Variants in ITPR3 observed in about 807,000 individuals in gnomAD.
The protein encoded by ITPR3 is inositol 1,4,5-trisphosphate-gated calcium channel ITPR3.
ITPR3 carries 173 observed loss-of-function variants against 293.2 expected under a neutral mutation model. That is an observed-to-expected ratio of 0.59 (90% CI 0.52 to 0.67). ITPR3 has a LOEUF of 0.67. ITPR3 is among the 30% of genes least tolerant of loss of function. The probability of loss-of-function intolerance (pLI) is 0.00; values close to 1 mark genes in which losing one functional copy is unlikely to be tolerated. For synonymous variants in ITPR3, 1,295 were observed against 1,444.4 expected (o/e 0.90, Z 2.35); for missense variants, 2,796 against 3,592.1 (o/e 0.78, Z 5.66).
At position 33,687,605 on chromosome 6, in the gene ITPR3, G is replaced by T; in HGVS notation, c.6264+41G>T. 1 of 1,468,382 alleles carries T rather than the reference G, an allele frequency of 6.8e-7. No homozygotes were observed. Among genetic ancestry groups the T allele is most frequent in the South Asian group, 1.2e-5 (1 of 85,610 alleles). The allele number at this position is 1,468,382 out of a possible 1,614,324, so 91.0% of individuals were successfully genotyped here. On this transcript the variant is annotated intron_variant, in intron 46 of 57. Coordinates refer to ENST00000605930, the MANE Select transcript of ITPR3 (RefSeq NM_002224.4). This position sits in a 1 kb window ranked among gnomAD's most constrained non-coding sequence, Gnocchi z 5.3. Reference sequence around the variant, plus strand: ...GAGACTGGGGTGGGGGTGGGGCCTGGAACCCAGGGAGGACACTTGACCCAA... The same window carrying T: ...GAGACTGGGGTGGGGGTGGGGCCTGTAACCCAGGGAGGACACTTGACCCAA...
At chr6:33,643,947 C>T (rs1032568011) in intron 2 of ITPR3, among the ~76,000 whole-genome samples, 14 of 152,224 alleles carry the variant, frequency 9.2e-5, no homozygotes, top group Admixed American at 3.9e-4. Context: ...AACTGCAGCA[C>T]TTGGGAGGCC....
Position 33,672,284 on chromosome 6 carries a change from C to T in ITPR3, c.2928+56C>T, listed in dbSNP as rs112160238. On this transcript the variant is annotated intron_variant, in intron 22 of 57. Coordinates refer to ENST00000605930, the MANE Select transcript of ITPR3 (RefSeq NM_002224.4). This position sits in a 1 kb window ranked among gnomAD's most constrained non-coding sequence, Gnocchi z 5.0. ...TGGGTATAGGGGGAGGGTAATGGGGCGGGTACAGGGAGGCTGGGCAGGGCG... is the reference window on the plus strand; with the variant it reads ...TGGGTATAGGGGGAGGGTAATGGGGTGGGTACAGGGAGGCTGGGCAGGGCG... 13 of 593,800 alleles carry T rather than the reference C, an allele frequency of 2.2e-5. No homozygotes were observed. The East Asian group carries it at 2.4e-4, about 11-fold the overall frequency. 36.8% of individuals were successfully genotyped at this position (593,800 alleles called of 1,614,324 possible).
intron 49 of ITPR3, 120 bp from the exon 50 acceptor site, chr6:33,689,118 G>T: frequency 8.4e-7 from 1 of 1,186,128 alleles, no homozygotes; most frequent in Non-Finnish European, 1.2e-6. Flanking sequence ...CTAAAACCAG[G>T]CACCAGGAAC....
Position 33,687,468 on chromosome 6 carries a change from T to C in ITPR3, c.6178-10T>C. 2 of 1,608,194 alleles carry C rather than the reference T, an allele frequency of 1.2e-6. No homozygotes were observed. Among genetic ancestry groups the C allele is most frequent in the Non-Finnish European group, 8.5e-7 (1 of 1,177,996 alleles). On this transcript the variant is annotated splice_polypyrimidine_tract_variant and intron_variant, in intron 45 of 57. Coordinates refer to ENST00000605930, the MANE Select transcript of ITPR3 (RefSeq NM_002224.4). This position sits in a 1 kb window ranked among gnomAD's most constrained non-coding sequence, Gnocchi z 5.3. ...CCACACCCTGGTGACTGTGCTGCCA[T>C]TTCCCTCAGCTCTCCAGGCACAATA...
intron 39 of ITPR3, 91 bp from the exon 40 acceptor site, chr6:33,685,268 C>G: frequency 1.6e-6 from 2 of 1,269,726 alleles, no homozygotes; most frequent in Non-Finnish European, 2.2e-6. Flanking sequence ...GCAGCCCCAG[C>G]GGCCCCAGCA....
At chr6:33,646,215 G>A (rs1276771638) in intron 2 of ITPR3, among the ~76,000 whole-genome samples, 1 of 151,902 alleles carries the variant, frequency 6.6e-6, no homozygotes, top group Non-Finnish European at 1.5e-5. Context: ...ACTCTACCCT[G>A]GTCCTCCACT....
chr6:33,687,962 G>C lies in ITPR3; in HGVS notation c.6265-95G>C. 1 of 975,054 alleles carries C rather than the reference G, an allele frequency of 1.0e-6. No individual in the cohort carries two copies. Among genetic ancestry groups the C allele is most frequent in the Non-Finnish European group, 1.6e-6 (1 of 644,900 alleles). 60.4% of individuals were successfully genotyped at this position (975,054 alleles called of 1,614,324 possible). The stretch of plus-strand genomic sequence containing the variant: ...TGGCGGGGACACTCGCTGAAGTGTA[G>C]TTCAGAGCTAGGCGAAGGCCTGGGA... On this transcript the variant is annotated intron_variant, in intron 46 of 57. Coordinates refer to ENST00000605930, the MANE Select transcript of ITPR3 (RefSeq NM_002224.4). This position sits in a 1 kb window ranked among gnomAD's most constrained non-coding sequence, Gnocchi z 5.3.
chr6:33,676,949 G>C lies in ITPR3; in HGVS notation c.3447+17G>C, dbSNP rs748686789. 2 of 1,613,920 alleles carry C rather than the reference G, an allele frequency of 1.2e-6. No individual in the cohort carries two copies. Among genetic ancestry groups the C allele is most frequent in the East Asian group, 4.5e-5 (2 of 44,874 alleles). ...AAGAAAGAGGTAAGTGGGGCTCCAGGGGGCCAGGGCAGGCCTCCCTGTGAG... is the reference window on the plus strand; with the variant it reads ...AAGAAAGAGGTAAGTGGGGCTCCAGCGGGCCAGGGCAGGCCTCCCTGTGAG... On this transcript the variant is annotated intron_variant, in intron 26 of 57. Coordinates refer to ENST00000605930, the MANE Select transcript of ITPR3 (RefSeq NM_002224.4).
rs1765292385 is a variant in ITPR3, at chr6:33,688,279, C to T, written c.6416C>T (p.Pro2139Leu). 1 of 1,614,076 alleles carries T rather than the reference C, an allele frequency of 6.2e-7. No homozygotes were observed. The highest frequency in any genetic ancestry group is 8.5e-7 in the Non-Finnish European group (1 of 1,180,030). Residue 2139 changes from proline to leucine, a missense_variant, in exon 48 of 58, where the codon CCA becomes CTA. By Grantham distance (98) the Pro-to-Leu change is moderately conservative (BLOSUM62 -3). Around this residue, in one of 8 missense-constraint regions of ITPR3, gnomAD observed 568 missense variants for 796.1 expected, o/e 0.71. Transcript: ENST00000605930. ...QDRSMEQIVFPVPGICQFLTE... is the reference protein window; with the variant it reads ...QDRSMEQIVFLVPGICQFLTE... ...CGCAGCATGGAGCAGATCGTGTTCC[C>T]AGTGCCCGGCATCTGCCAGTTCCTG... is the stretch of plus-strand genomic sequence containing the variant.
chr6:33,693,813 G>A, intron 56 of ITPR3, 108 bp downstream of exon 56: 1 of 1,292,758 alleles, frequency 7.7e-7, no homozygotes, highest in Non-Finnish European at 1.1e-6. Context: ...CCTGGGCCCT[G>A]GAGAGGAGTG....
At chr6:33,631,816 G>A (rs1455645520) in intron 1 of ITPR3, among the ~76,000 whole-genome samples, 1 of 152,104 alleles carries the variant, frequency 6.6e-6, no homozygotes, top group East Asian at 1.9e-4. Flanking sequence ...GCCCTCAAGC[G>A]GCCCTTATGT....
At position 33,655,718 on chromosome 6, in the gene ITPR3, G is replaced by C; in HGVS notation, c.161-48G>C. On this transcript the variant is annotated intron_variant, in intron 2 of 57. Coordinates refer to ENST00000605930, the MANE Select transcript of ITPR3 (RefSeq NM_002224.4). This position sits in a 1 kb window ranked among gnomAD's most constrained non-coding sequence, Gnocchi z 4.9. The stretch of plus-strand genomic sequence containing the variant: ...TGGGGTTTTCTCCAGGGAGGGCCCT[G>C]AGCCCCAGATGAATCATTCCCCTCA... 3 of 1,611,960 alleles carry C rather than the reference G, an allele frequency of 1.9e-6. No homozygotes were observed. Among genetic ancestry groups the C allele is most frequent in the Non-Finnish European group, 2.5e-6 (3 of 1,178,666 alleles).
chr6:33,668,656 C>T (rs147513878), intron 17 of ITPR3, 22 bp downstream of exon 17: 34 of 1,613,934 alleles, frequency 2.1e-5, no homozygotes, highest in South Asian at 6.6e-5. Flanking sequence ...GCCCCCTGCC[C>T]GCACTTGGGC....
chr6:33,657,194 G>A (rs577551409), intron 3 of ITPR3, among the ~76,000 whole-genome samples: 2 of 152,262 alleles, frequency 1.3e-5, no homozygotes, highest in Non-Finnish European at 2.9e-5. Flanking sequence ...AGAGACCACT[G>A]CTCTCAGAGA....
intron 2 of ITPR3, among the ~76,000 whole-genome samples, chr6:33,652,231 C>G (rs1408711): frequency 0.21 from 32,042 of 151,984 alleles, 3,758 homozygotes; most frequent in East Asian, 0.46. Flanking sequence ...GCCTCGTAAC[C>G]TCTTCCTCCC....
chr6:33,689,558 CA>C, intron 50 of ITPR3, 148 bp downstream of exon 50: 2 of 868,820 alleles, frequency 2.3e-6, no homozygotes, highest in Non-Finnish European at 1.7e-6. Flanking sequence ...AGACCGGTGG[CA>C]GGGACTGTTC....
chr6:33,639,768 G>T (rs1439911134), intron 1 of ITPR3, among the ~76,000 whole-genome samples: 1 of 152,046 alleles, frequency 6.6e-6, no homozygotes, highest in Non-Finnish European at 1.5e-5. Flanking sequence ...TGGGTAGATG[G>T]ATGGGTGGAG....
Position 33,692,591 on chromosome 6 carries a change from C to G in ITPR3, c.7459-137C>G. The G allele has an allele frequency of 1.3e-6, 1 of 786,682 alleles. No individual in the cohort carries two copies. The highest frequency in any genetic ancestry group is 2.0e-6 in the Non-Finnish European group (1 of 500,910). 48.7% of individuals were successfully genotyped at this position (786,682 alleles called of 1,614,324 possible). ...GGTCCACTCTGCCATCTGATGGCCC[C>G]CAGGCCAGAGGCCCTCATTTCCTTC... On this transcript the variant is annotated intron_variant, in intron 54 of 57. Coordinates refer to ENST00000605930, the MANE Select transcript of ITPR3 (RefSeq NM_002224.4). This position sits in a 1 kb window ranked among gnomAD's most constrained non-coding sequence, Gnocchi z 4.2.
Position 33,686,459 on chromosome 6 carries a change from G to T in ITPR3, c.5919G>T (p.Leu1973=). Residue 1973 remains leucine (L), a synonymous_variant, in exon 43 of 58, where the codon CTG becomes CTT. Coordinates refer to ENST00000605930, the MANE Select transcript of ITPR3 (RefSeq NM_002224.4). ...ATGGCATAGACATCATCACCGCACTGATCCTCAATGACATCAGCCCCCTGT... is the reference window on the plus strand; with the variant it reads ...ATGGCATAGACATCATCACCGCACTTATCCTCAATGACATCAGCCCCCTGT... ...ESNGIDIITA[L]ILNDISPLCK... 6.2e-7 allele frequency: 1 copy of T among 1,614,254 alleles called. No homozygotes were observed. Among genetic ancestry groups the T allele is most frequent in the Non-Finnish European group, 8.5e-7 (1 of 1,180,044 alleles).
Sources: allele counts gnomAD v4.1 joint callset (sites outside exome capture counted in the v4.1 genomes callset), GRCh38; gene constraint gnomAD v4.1.1; regional missense constraint gnomAD v4.1.1; non-coding constraint Gnocchi (gnomAD v3.1); transcripts MANE v1.5; gene names NCBI Gene and HGNC (gene_info 2026-07-23, HGNC 2026-07-21).